ADGB: variants seen among roughly 807,000 people sequenced by gnomAD.
ADGB encodes the protein androglobin.
In ADGB, 172 loss-of-function variants were observed where a neutral mutation model predicts 210.5. The ratio of observed to expected loss-of-function variants is 0.82; its 90% CI spans 0.72 to 0.93. The LOEUF (loss-of-function observed/expected upper bound fraction) is 0.93. Among genes scored for constraint, ADGB ranks in the 40% least tolerant of loss-of-function variants. ADGB has a pLI of 0.00. For synonymous variants in ADGB, 658 were observed against 662.7 expected, an observed-to-expected ratio of 0.99 and a Z score of 0.11; for missense variants, 2,025 against 1,964.8, an observed-to-expected ratio of 1.03 and a Z score of -0.58.
intron 35 of ADGB, chr6:146,807,398 AC>A (rs1778228521): frequency 1.3e-6 from 2 of 1,550,546 alleles, no homozygotes. Flanking sequence ...TTGCTTTGGA[AC>A]AGGACTCCTT....
intron 1 of ADGB, among the ~76,000 whole-genome samples, chr6:146,623,778 G>A (rs1419551186): frequency 6.6e-6 from 1 of 151,750 alleles, no homozygotes; most frequent in Non-Finnish European, 1.5e-5. Context: ...CTTGTTTTTT[G>A]AGATCAGGAT....
intron 29 of ADGB, among the ~76,000 whole-genome samples, chr6:146,777,100 T>C (rs1777732647): frequency 6.6e-6 from 1 of 151,934 alleles, no homozygotes; most frequent in African/African-American, 2.4e-5. Context: ...AGCTAATAAA[T>C]GGGCACCAAG....
chr6:146,691,494 A>ATTTT (rs1776325312), intron 11 of ADGB, among the ~76,000 whole-genome samples: 1 of 17,172 alleles, frequency 5.8e-5, no homozygotes. Context: ...ATATATATAT[A>ATTTT]TATATATTTT....
At chr6:146,667,805 T>C (rs1258330745) in intron 7 of ADGB, among the ~76,000 whole-genome samples, 14 of 152,030 alleles carry the variant, frequency 9.2e-5, no homozygotes, top group Admixed American at 9.2e-4. Context: ...AGTATATTAC[T>C]TCTCGTTTAA....
chr6:146,734,380 C>T (rs1479281888), intron 22 of ADGB, among the ~76,000 whole-genome samples: 1 of 152,184 alleles, frequency 6.6e-6, no homozygotes, highest in Admixed American at 6.5e-5. Flanking sequence ...CCTGTGCTAC[C>T]TCAGTCAGCC....
intron 27 of ADGB, among the ~76,000 whole-genome samples, chr6:146,753,866 C>A (rs1777362048): frequency 6.6e-6 from 1 of 151,604 alleles, no homozygotes. Flanking sequence ...TCTATGTGCA[C>A]CCGTACAATT....
chr6:146,716,347 T>G (rs1241357032), intron 14 of ADGB, among the ~76,000 whole-genome samples: 4 of 127,404 alleles, frequency 3.1e-5, no homozygotes, highest in Non-Finnish European at 5.9e-5. Flanking sequence ...ATCCCAGCAC[T>G]TTGGGAGGCC....
At chr6:146,699,431 C>A (rs1776456946) in intron 12 of ADGB, among the ~76,000 whole-genome samples, 1 of 152,134 alleles carries the variant, frequency 6.6e-6, no homozygotes, top group African/African-American at 2.4e-5. Flanking sequence ...AGAAGGGCAT[C>A]CCAGCTCCAG....
At chr6:146,735,070 T>A (rs150183575) in intron 22 of ADGB, among the ~76,000 whole-genome samples, 241 of 152,126 alleles carry the variant, frequency 1.6e-3, no homozygotes, top group East Asian at 6.2e-3. Flanking sequence ...AAACATTTAA[T>A]GATAATATTT....
intron 1 of ADGB, among the ~76,000 whole-genome samples, chr6:146,609,388 G>A (rs949044874): frequency 1.2e-4 from 19 of 152,174 alleles, no homozygotes; most frequent in Admixed American, 2.6e-4. Flanking sequence ...GGTTAACAAT[G>A]TGTGGATTTG....
intron 9 of ADGB, 63 bp from the exon 10 acceptor site, chr6:146,685,671 T>G: frequency 1.1e-6 from 1 of 925,578 alleles, no homozygotes; most frequent in Non-Finnish European, 1.5e-6. Flanking sequence ...CAATCTGGAG[T>G]GAGCAACTGA....
intron 9 of ADGB, among the ~76,000 whole-genome samples, chr6:146,681,869 A>G (rs1293176655): frequency 6.6e-6 from 1 of 152,126 alleles, no homozygotes; most frequent in Non-Finnish European, 1.5e-5. Context: ...AAAAATTGCC[A>G]GAAAGACCAG....
rs554492787 is a variant in ADGB, at chr6:146,764,060, G to A, written c.3710G>A (p.Ser1237Asn). 17 of 1,551,236 alleles carry A rather than the reference G, an allele frequency of 1.1e-5. No homozygotes were observed. In the South Asian group the frequency reaches 1.8e-4, roughly 16 times the overall value. The change falls in exon 28 of 36, where the codon AGT (serine) becomes AAT (asparagine). Residue 1237 changes from serine (S) to asparagine (N), a missense_variant. By Grantham distance (46) the Ser-to-Asn change is conservative. Coordinates refer to ENST00000397944, the MANE Select transcript of ADGB (RefSeq NM_024694.4). ...CCCCTTGTGGAGGAGGAAACTACCA[G>A]TACACCCACTAGAGAAGACAGTTCC... Reference protein sequence around the residue: ...GLPLVEEETTSTPTREDSSST... With the variant: ...GLPLVEEETTNTPTREDSSST...
At chr6:146,606,869 G>C (rs532496752) in intron 1 of ADGB, among the ~76,000 whole-genome samples, 1 of 152,078 alleles carries the variant, frequency 6.6e-6, no homozygotes, top group Non-Finnish European at 1.5e-5. Flanking sequence ...GCATAGGATC[G>C]TCTTGGCTAT....
Position 146,763,914 on chromosome 6 carries a change from T to C in ADGB, c.3564T>C (p.Ile1188=). ...KGLSSQSSKH[I]LSFHSASKKE... The stretch of plus-strand genomic sequence containing the variant: ...TCTCCTATTCAGCTAGCAAGCACAT[T>C]CTTTCATTTCACTCTGCATCCAAGA... The change falls in exon 28 of 36, where the codon ATT becomes ATC. Residue 1188 remains isoleucine (I), a synonymous_variant. Transcript: ENST00000397944. 1 of 1,550,784 alleles carries C rather than the reference T, an allele frequency of 6.4e-7. No individual in the cohort carries two copies. Among genetic ancestry groups the C allele is most frequent in the African/African-American group, 1.4e-5 (1 of 73,120 alleles).
chr6:146,721,420 G>A lies in ADGB; in HGVS notation c.2010G>A (p.Val670=). 6.5e-7 allele frequency: 1 copy of A among 1,549,078 alleles called. No individual in the cohort carries two copies. Among genetic ancestry groups the A allele is most frequent in the Non-Finnish European group, 8.7e-7 (1 of 1,144,594 alleles). The change falls in exon 17 of 36, where the codon GTG becomes GTA. Residue 670 remains valine (V), a synonymous_variant. Transcript: ENST00000397944. ...TCTTGCAGTTCTCAGAAGAACGAGT[G>A]TCCTACTATCTATTTGTAGATAGTC... ...KSEFKFSEER[V]SYYLFVDSLK... is the part of the protein sequence containing the mutation.
rs774322777 is a variant in ADGB at position 146,722,257 on chromosome 6, CCACTCCCCGCT to C, written c.2095+757_2095+767del. Among the ~76,000 whole-genome samples the C allele has an allele frequency of 7.6e-4, 116 of 151,992 alleles. 1 individual carries two copies. Among genetic ancestry groups the C allele is most frequent in the Middle Eastern group, 3.2e-3 (1 of 316 alleles). On this transcript the variant is annotated intron_variant, in intron 17 of 35. Coordinates refer to ENST00000397944, the MANE Select transcript of ADGB (RefSeq NM_024694.4). Reference sequence around the variant, plus strand: ...CTCAGTCATCTCAATTTCAAGCACCCCACTCCCCGCTCACTGCTTGACTCTCTAGTTCACTC... The same window carrying C: ...CTCAGTCATCTCAATTTCAAGCACCCCACTGCTTGACTCTCTAGTTCACTC...
rs1030292740 is a variant in ADGB, at chr6:146,694,752, T to A, written c.1577+1837T>A. Among the ~76,000 whole-genome samples the A allele has an allele frequency of 5.3e-5, 8 of 152,114 alleles. No homozygotes were observed. The South Asian group carries it at 1.5e-3, about 28-fold the overall frequency. ...ACCACTCCATTCTCTTATTATTAGG[T>A]TTCTAGATGTGTAAAAAAATACTGT... On this transcript the variant is annotated intron_variant, in intron 12 of 35. Coordinates refer to ENST00000397944, the MANE Select transcript of ADGB (RefSeq NM_024694.4).
chr6:146,668,612 C>G (rs976913014), intron 7 of ADGB, among the ~76,000 whole-genome samples: 1 of 151,948 alleles, frequency 6.6e-6, no homozygotes, highest in Admixed American at 6.6e-5. Flanking sequence ...GTATGGAGCT[C>G]TATAAATTTT....
Sources: allele counts gnomAD v4.1 joint callset (sites outside exome capture counted in the v4.1 genomes callset), GRCh38; gene constraint gnomAD v4.1.1; transcripts MANE v1.5; gene names NCBI Gene and HGNC (gene_info 2026-07-23, HGNC 2026-07-21).